PCDH15: variants seen among roughly 807,000 people sequenced by gnomAD.
The protein encoded by PCDH15 is protocadherin-15.
In PCDH15, 129 loss-of-function variants were observed where a neutral mutation model predicts 178.5. That is an observed-to-expected ratio of 0.72 (90% CI 0.63 to 0.84). The LOEUF (loss-of-function observed/expected upper bound fraction) is 0.84, where lower values mean the gene tolerates loss of function less well. Ranked by LOEUF, PCDH15 falls within the 40% of genes least tolerant of loss-of-function variation. The pLI is 0.00. For synonymous variants in PCDH15, 800 were observed against 732.0 expected (o/e 1.09, Z -1.50); for missense variants, 2,230 against 2,099.9 (o/e 1.06, Z -1.21).
intron 2 of PCDH15, among the ~76,000 whole-genome samples, chr10:55,101,647 T>G (rs557496332): frequency 6.6e-6 from 1 of 151,880 alleles, no homozygotes; most frequent in Non-Finnish European, 1.5e-5. Flanking sequence ...AATTAAATTT[T>G]AGATCTAGTT....
intron 15 of PCDH15, among the ~76,000 whole-genome samples, chr10:54,101,226 C>G (rs749377172): frequency 1.3e-5 from 2 of 152,198 alleles, no homozygotes; most frequent in South Asian, 4.1e-4. Context: ...TCACCTTCCA[C>G]CATGATTGTG....
intron 3 of PCDH15, among the ~76,000 whole-genome samples, chr10:54,384,352 T>C (rs1198867338): frequency 6.6e-6 from 1 of 151,928 alleles, no homozygotes; most frequent in Non-Finnish European, 1.5e-5. Context: ...TAAAACTTCA[T>C]TTCAACTTGT....
intron 1 of PCDH15, among the ~76,000 whole-genome samples, chr10:55,285,442 G>C (rs952290740): frequency 1.3e-5 from 2 of 151,482 alleles, no homozygotes; most frequent in African/African-American, 4.8e-5. Context: ...GGAAGATATT[G>C]TGAATATATT....
rs1271040701 is a variant in PCDH15, at chr10:54,442,451, TATATATATAC to T, written c.158-63519_158-63510del. 4.8e-4 allele frequency among the ~76,000 whole-genome samples: 57 copies of T among 118,156 alleles called. 1 individual carries two copies. The highest frequency in any genetic ancestry group is 2.0e-3 in the African/African-American group (54 of 26,922). 77.5% of individuals were successfully genotyped at this position (118,156 alleles called of 152,430 possible). On this transcript the variant is annotated intron_variant, in intron 3 of 37. Coordinates refer to ENST00000644397, the MANE Select transcript of PCDH15 (RefSeq NM_001384140.1). ...ATATATATATATATATATATATATA[TATATATATAC>T]AGTCTTTTTTATTATAATAAATACT...
At chr10:55,359,720 GTATA>G (rs57949952) in intron 2 of PCDH15, among the ~76,000 whole-genome samples, 1,535 of 112,830 alleles carry the variant, frequency 0.014, 28 homozygotes, top group African/African-American at 0.051. Flanking sequence ...AAAATGTGGT[GTATA>G]TATATATATA....
chr10:55,593,636 CT>C (rs998630635), intron 2 of PCDH15, among the ~76,000 whole-genome samples: 44 of 150,180 alleles, frequency 2.9e-4, no homozygotes, highest in African/African-American at 7.8e-4. Flanking sequence ...ACTGTTTTAG[CT>C]TTTTTTTTAA....
At chr10:54,156,344 A>G (rs1426956653) in intron 13 of PCDH15, among the ~76,000 whole-genome samples, 2 of 152,128 alleles carry the variant, frequency 1.3e-5, no homozygotes, top group African/African-American at 4.8e-5. Context: ...TACAAAGGGA[A>G]GGTTTATTGG....
At chr10:54,713,923 C>G (rs1026911428) in intron 1 of PCDH15, among the ~76,000 whole-genome samples, 1 of 152,074 alleles carries the variant, frequency 6.6e-6, no homozygotes, top group African/African-American at 2.4e-5. Context: ...ACAGAAGAAC[C>G]AAATGGCTCA....
At chr10:55,336,866 T>A (rs1368463134) in intron 2 of PCDH15, among the ~76,000 whole-genome samples, 1 of 152,186 alleles carries the variant, frequency 6.6e-6, no homozygotes, top group Non-Finnish European at 1.5e-5. Flanking sequence ...CTCTTGTTAA[T>A]CTGCTTTTTG....
intron 15 of PCDH15, among the ~76,000 whole-genome samples, chr10:54,096,085 A>G (rs1156256296): frequency 1.3e-5 from 2 of 152,142 alleles, no homozygotes; most frequent in Admixed American, 6.6e-5. Flanking sequence ...TTAAGCTTAA[A>G]AATTAAATAA....
intron 3 of PCDH15, among the ~76,000 whole-genome samples, chr10:54,457,399 G>A (rs1277897788): frequency 1.3e-5 from 2 of 152,074 alleles, no homozygotes; most frequent in Non-Finnish European, 2.9e-5. Context: ...ATTCTTTCTA[G>A]TACCTCTGGA....
intron 21 of PCDH15, among the ~76,000 whole-genome samples, chr10:53,988,912 A>C (rs1393810728): frequency 6.6e-6 from 1 of 152,206 alleles, no homozygotes; most frequent in African/African-American, 2.4e-5. Context: ...AAGAAAAAAA[A>C]CATGATTTCC....
intron 2 of PCDH15, among the ~76,000 whole-genome samples, chr10:55,076,764 CTTTTTTTTTTT>C (rs902966495): frequency 9.4e-6 from 1 of 106,778 alleles, no homozygotes; most frequent in African/African-American, 3.8e-5. Context: ...GGCCTGTGAC[CTTTTTTTTTTT>C]TTTTTTTTTT....
chr10:55,462,377 T>C (rs1324069791), intron 2 of PCDH15, among the ~76,000 whole-genome samples: 1 of 152,092 alleles, frequency 6.6e-6, no homozygotes. Context: ...AATGCACAAA[T>C]AAAACTTTCA....
chr10:54,648,369 T>C (rs1265397580), intron 2 of PCDH15, among the ~76,000 whole-genome samples: 1 of 152,130 alleles, frequency 6.6e-6, no homozygotes, highest in East Asian at 1.9e-4. Context: ...ACAGCCATGA[T>C]TTGATTATGT....
At chr10:55,362,550 A>G (rs1243869355) in intron 2 of PCDH15, among the ~76,000 whole-genome samples, 1 of 152,162 alleles carries the variant, frequency 6.6e-6, no homozygotes, top group African/African-American at 2.4e-5. Flanking sequence ...CTTAATGGTA[A>G]TATCTTGTGT....
chr10:54,238,464 T>C (rs2054860311), intron 8 of PCDH15, among the ~76,000 whole-genome samples: 1 of 152,014 alleles, frequency 6.6e-6, no homozygotes, highest in African/African-American at 2.4e-5. Flanking sequence ...AGGTCCTAAG[T>C]AGTCTAAATG....
intron 1 of PCDH15, among the ~76,000 whole-genome samples, chr10:55,209,612 C>T (rs1840506159): frequency 2.0e-5 from 3 of 151,936 alleles, no homozygotes; most frequent in Admixed American, 2.0e-4. Flanking sequence ...TAATCCAGGA[C>T]CACTCCTGGG....
At chr10:54,432,061 T>C (rs1957031667) in intron 3 of PCDH15, among the ~76,000 whole-genome samples, 1 of 151,844 alleles carries the variant, frequency 6.6e-6, no homozygotes, top group South Asian at 2.1e-4. Context: ...GATGAAAGAA[T>C]TTAAAGCATA....
Sources: gnomAD v4.1 joint callset for allele counts (sites outside exome capture counted in the v4.1 genomes callset) on GRCh38, gnomAD v4.1.1 for gene constraint, MANE v1.5 for transcripts, NCBI Gene and HGNC (gene_info 2026-07-23, HGNC 2026-07-21) for gene names.